Variants in RGS22 observed in about 807,000 individuals in gnomAD.
RGS22 encodes regulator of G protein signaling 22.
RGS22 carries 148 observed loss-of-function variants against 172.9 expected under a neutral mutation model. The ratio of observed to expected loss-of-function variants is 0.86; its 90% confidence interval spans 0.75 to 0.98. RGS22 has a LOEUF of 0.98. Ranked by LOEUF, RGS22 falls within the 50% of genes least tolerant of loss-of-function variation. The pLI is 0.00. For synonymous variants in RGS22, 458 were observed against 480.2 expected, an observed-to-expected ratio of 0.95 and a Z score of 0.60; for missense variants, 1,347 against 1,440.8, an observed-to-expected ratio of 0.93 and a Z score of 1.05.
At chr8:100,101,989 G>A (rs934831343) in intron 2 of RGS22, among the ~76,000 whole-genome samples, 1 of 152,060 alleles carries the variant, frequency 6.6e-6, no homozygotes, top group Admixed American at 6.6e-5. Context: ...CAGGGACCCA[G>A]GCCCCTCTGA....
chr8:100,094,554 T>C (rs1812822249), intron 2 of RGS22, among the ~76,000 whole-genome samples: 1 of 152,210 alleles, frequency 6.6e-6, no homozygotes, highest in South Asian at 2.1e-4. Context: ...AGAAACTTAC[T>C]AGAAACCTTA....
intron 14 of RGS22, among the ~76,000 whole-genome samples, chr8:100,021,259 TA>T (rs1313504986): frequency 6.6e-6 from 1 of 152,162 alleles, no homozygotes; most frequent in African/African-American, 2.4e-5. Flanking sequence ...GACATCCATT[TA>T]AAAAAATATA....
intron 23 of RGS22, among the ~76,000 whole-genome samples, chr8:99,968,234 G>T (rs563093533): frequency 6.6e-6 from 1 of 152,122 alleles, no homozygotes; most frequent in African/African-American, 2.4e-5. Flanking sequence ...AAGGCCATCA[G>T]CATCAAAGAT....
At chr8:100,091,884 A>G (rs1812608538) in intron 3 of RGS22, 1 of 152,196 alleles carries the variant, frequency 6.6e-6, no homozygotes, top group African/African-American at 2.4e-5. Flanking sequence ...AGACCAAACA[A>G]GAACTCCTTG....
chr8:100,043,404 C>T (rs1363129355), intron 11 of RGS22, among the ~76,000 whole-genome samples: 1 of 152,184 alleles, frequency 6.6e-6, no homozygotes, highest in Non-Finnish European at 1.5e-5. Flanking sequence ...CTATTCTAGG[C>T]ATATCAACAG....
chr8:100,078,022 A>C (rs1563707675), intron 4 of RGS22, among the ~76,000 whole-genome samples: 1 of 152,124 alleles, frequency 6.6e-6, no homozygotes, highest in Non-Finnish European at 1.5e-5. Context: ...GCTTTGCCAG[A>C]TATCAATATA....
intron 14 of RGS22, among the ~76,000 whole-genome samples, chr8:100,016,821 C>A (rs1452573578): frequency 6.6e-6 from 1 of 151,678 alleles, no homozygotes; most frequent in Non-Finnish European, 1.5e-5. Flanking sequence ...TGCTAAATGA[C>A]AAGTTACTGG....
chr8:100,033,775 G>T (rs1461962444), intron 14 of RGS22, among the ~76,000 whole-genome samples: 1 of 152,150 alleles, frequency 6.6e-6, no homozygotes, highest in African/African-American at 2.4e-5. Context: ...TGATCAAGTT[G>T]GCTTTTCATC....
intron 14 of RGS22, among the ~76,000 whole-genome samples, chr8:100,014,877 T>A (rs1282180264): frequency 6.6e-6 from 1 of 152,226 alleles, no homozygotes; most frequent in Non-Finnish European, 1.5e-5. Flanking sequence ...CTCAGCTTCC[T>A]TGGCTCCTGA....
intron 8 of RGS22, among the ~76,000 whole-genome samples, 167 bp from the exon 9 acceptor site, chr8:100,062,919 C>T (rs959098256): frequency 5.3e-5 from 8 of 152,100 alleles, no homozygotes; most frequent in African/African-American, 1.7e-4. Flanking sequence ...ACAGAGCTGA[C>T]CAAAGACCTG....
intron 13 of RGS22, 61 bp from the exon 14 acceptor site, chr8:100,039,093 C>A: frequency 1.1e-6 from 1 of 902,740 alleles, no homozygotes; most frequent in South Asian, 1.8e-5. Flanking sequence ...TTACAAAGCT[C>A]TAATTTCAAA....
intron 11 of RGS22, among the ~76,000 whole-genome samples, chr8:100,045,854 GAT>G (rs146250786): frequency 4.7e-5 from 7 of 149,762 alleles, no homozygotes; most frequent in Non-Finnish European, 3.0e-5. Context: ...TCTTTATGGG[GAT>G]ATATATATAT....
At chr8:99,996,644 G>A (rs1164524541) in intron 19 of RGS22, 114 bp from the exon 20 acceptor site, 1 of 887,936 alleles carries the variant, frequency 1.1e-6, no homozygotes, top group African/African-American at 1.7e-5. Context: ...AAGAGATAGT[G>A]AAGTTTAGGA....
chr8:100,094,020 C>T (rs898821977), intron 2 of RGS22, among the ~76,000 whole-genome samples: 6 of 151,818 alleles, frequency 4.0e-5, no homozygotes, highest in South Asian at 2.1e-4. Flanking sequence ...GAATGAGGTA[C>T]ATTTTTAAAT....
intron 3 of RGS22, among the ~76,000 whole-genome samples, chr8:100,081,200 G>A (rs1811726956): frequency 6.6e-6 from 1 of 152,038 alleles, no homozygotes; most frequent in Non-Finnish European, 1.5e-5. Context: ...AGTGGTAGAA[G>A]AAATTAAATT....
At chr8:100,041,364 G>C (rs192442880) in intron 12 of RGS22, among the ~76,000 whole-genome samples, 1 of 151,976 alleles carries the variant, frequency 6.6e-6, no homozygotes, top group East Asian at 1.9e-4. Context: ...GGTGGTGTGC[G>C]CCTGTAGTCC....
chr8:100,020,638 C>T (rs1376814812), intron 14 of RGS22, among the ~76,000 whole-genome samples: 1 of 152,174 alleles, frequency 6.6e-6, no homozygotes, highest in African/African-American at 2.4e-5. Context: ...CTTGTACCAG[C>T]TCACAAGAGC....
At chr8:100,031,298 A>G (rs771786721) in intron 14 of RGS22, among the ~76,000 whole-genome samples, 4 of 152,110 alleles carry the variant, frequency 2.6e-5, no homozygotes, top group Admixed American at 6.6e-5. Flanking sequence ...TCTACGTCAT[A>G]TAGCCTCTGA....
intron 21 of RGS22, among the ~76,000 whole-genome samples, chr8:99,983,049 C>T (rs111467178): frequency 1.3e-5 from 2 of 152,224 alleles, no homozygotes; most frequent in African/African-American, 4.8e-5. Flanking sequence ...TAAGTGAGAA[C>T]GTGTGGATTT....
Sources: allele counts gnomAD v4.1 joint callset (sites outside exome capture counted in the v4.1 genomes callset), GRCh38; gene constraint gnomAD v4.1.1; transcripts MANE v1.5; gene names NCBI Gene and HGNC (gene_info 2026-07-23, HGNC 2026-07-21).